DLG2: variants seen among roughly 807,000 people sequenced by gnomAD.
DLG2 encodes the protein disks large homolog 2.
DLG2 carries 45 observed loss-of-function variants against 132.5 expected under a neutral mutation model. The observed-to-expected ratio is 0.34, with a 90% CI of 0.27 to 0.44. The LOEUF (loss-of-function observed/expected upper bound fraction) is 0.44. Ranked by LOEUF, DLG2 falls within the 20% of genes least tolerant of loss-of-function variation. DLG2 has a pLI of 1.00. For missense variants in DLG2, 1,045 were observed against 1,196.9 expected (o/e 0.87, Z 1.87); for synonymous variants, 424 against 419.6 (o/e 1.01, Z -0.13).
At position 84,636,251 on chromosome 11, in the gene DLG2, C is replaced by G. The variant is rs562398447; in HGVS notation, c.358-101520G>C. 8.5e-5 allele frequency among the ~76,000 whole-genome samples: 13 copies of G among 152,292 alleles called. 1 individual carries two copies. In the South Asian group the frequency reaches 2.7e-3, roughly 32 times the overall value. ...TATATCTTCTGAGCCTTCAGAGATT[C>G]ATTTGGCCGAGAAATAGCCACAGTC... On this transcript the variant is annotated intron_variant, in intron 6 of 27. Coordinates refer to ENST00000376104, the MANE Select transcript of DLG2 (RefSeq NM_001142699.3).
At chr11:84,535,629 G>A (rs941757849) in intron 6 of DLG2, among the ~76,000 whole-genome samples, 12 of 152,002 alleles carry the variant, frequency 7.9e-5, no homozygotes, top group Non-Finnish European at 8.8e-5. Flanking sequence ...TCCATTTTTG[G>A]CCTCAGCCTG....
At chr11:84,221,432 C>G (rs1029966424) in intron 8 of DLG2, among the ~76,000 whole-genome samples, 1 of 151,922 alleles carries the variant, frequency 6.6e-6, no homozygotes, top group African/African-American at 2.4e-5. Context: ...CCACTGCACT[C>G]CAGTCTGGGC....
At chr11:85,026,332 A>C (rs924224428) in intron 6 of DLG2, among the ~76,000 whole-genome samples, 1 of 152,148 alleles carries the variant, frequency 6.6e-6, no homozygotes, top group African/African-American at 2.4e-5. Flanking sequence ...GTAGTAACGG[A>C]ATTGCAAATC....
chr11:84,698,547 T>C (rs1160228421), intron 6 of DLG2, among the ~76,000 whole-genome samples: 6 of 151,610 alleles, frequency 4.0e-5, no homozygotes, highest in Admixed American at 4.0e-4. Flanking sequence ...ATACAATTCA[T>C]AAAATCTAAT....
At chr11:84,765,204 T>A (rs757192744) in intron 6 of DLG2, among the ~76,000 whole-genome samples, 12 of 152,078 alleles carry the variant, frequency 7.9e-5, no homozygotes, top group Non-Finnish European at 1.6e-4. Context: ...GAACAGACTG[T>A]ACTTTCTACT....
intron 18 of DLG2, among the ~76,000 whole-genome samples, chr11:83,756,901 T>C (rs2093671493): frequency 6.6e-6 from 1 of 152,210 alleles, no homozygotes. Flanking sequence ...TTATTGAGCA[T>C]ATACTATGTG....
intron 21 of DLG2, among the ~76,000 whole-genome samples, chr11:83,501,730 C>T (rs1470190742): frequency 6.6e-6 from 1 of 152,152 alleles, no homozygotes; most frequent in Non-Finnish European, 1.5e-5. Flanking sequence ...AATCCAGAGA[C>T]TGACATAACA....
chr11:84,868,735 G>C (rs968364780), intron 6 of DLG2, among the ~76,000 whole-genome samples: 1 of 152,158 alleles, frequency 6.6e-6, no homozygotes, highest in Non-Finnish European at 1.5e-5. Flanking sequence ...GAGATCTGTA[G>C]CTCAGCGACG....
intron 6 of DLG2, among the ~76,000 whole-genome samples, chr11:84,705,076 G>T (rs1445246119): frequency 6.6e-6 from 1 of 151,596 alleles, no homozygotes; most frequent in Non-Finnish European, 1.5e-5. Flanking sequence ...ACAGTCTTTA[G>T]CAGTTCTGCC....
At chr11:85,360,945 T>C (rs72951924) in intron 3 of DLG2, among the ~76,000 whole-genome samples, 1,691 of 152,288 alleles carry the variant, frequency 0.011, 17 homozygotes, top group Non-Finnish European at 0.019. Context: ...CAAAAATACC[T>C]TACATGTATA....
chr11:84,303,143 G>C (rs1045275561), intron 7 of DLG2, among the ~76,000 whole-genome samples: 27 of 151,970 alleles, frequency 1.8e-4, no homozygotes, highest in African/African-American at 4.3e-4. Flanking sequence ...AAAACTTGAA[G>C]TTGGAAACAT....
chr11:85,071,900 G>T (rs2065913679), intron 6 of DLG2, among the ~76,000 whole-genome samples: 1 of 151,742 alleles, frequency 6.6e-6, no homozygotes, highest in Non-Finnish European at 1.5e-5. Flanking sequence ...CTAAAAAGAA[G>T]CAAAAATCAT....
At chr11:85,116,668 C>T (rs1012117688) in intron 5 of DLG2, among the ~76,000 whole-genome samples, 3 of 151,764 alleles carry the variant, frequency 2.0e-5, no homozygotes, top group Admixed American at 6.6e-5. Context: ...ATGTAAAATA[C>T]ATTATAGGTG....
intron 18 of DLG2, among the ~76,000 whole-genome samples, chr11:83,645,535 A>T (rs1379053510): frequency 6.6e-6 from 1 of 152,148 alleles, no homozygotes; most frequent in African/African-American, 2.4e-5. Flanking sequence ...TAAAAAATAG[A>T]CTTTTATGCA....
At chr11:85,498,181 A>T (rs1273003305) in intron 3 of DLG2, among the ~76,000 whole-genome samples, 1 of 152,166 alleles carries the variant, frequency 6.6e-6, no homozygotes, top group East Asian at 1.9e-4. Flanking sequence ...TATTCAGGAG[A>T]CTCATCTGAT....
intron 12 of DLG2, 44 bp downstream of exon 12, chr11:83,980,462 G>C: frequency 6.3e-7 from 1 of 1,580,420 alleles, no homozygotes; most frequent in Non-Finnish European, 8.6e-7. Context: ...TGGAAAACAA[G>C]AGCTTTATAA....
intron 4 of DLG2, among the ~76,000 whole-genome samples, chr11:85,188,967 G>A (rs1426599889): frequency 6.6e-6 from 1 of 152,032 alleles, no homozygotes; most frequent in African/African-American, 2.4e-5. Context: ...GATAAAAACT[G>A]CTAATCTATA....
At chr11:84,240,425 C>T (rs898970513) in intron 8 of DLG2, among the ~76,000 whole-genome samples, 2 of 152,202 alleles carry the variant, frequency 1.3e-5, no homozygotes, top group African/African-American at 4.8e-5. Flanking sequence ...TTTTTATTGT[C>T]TCTCCTTACA....
At chr11:85,168,982 AC>A (rs2152489530) in intron 4 of DLG2, among the ~76,000 whole-genome samples, 1 of 152,266 alleles carries the variant, frequency 6.6e-6, no homozygotes, top group South Asian at 2.1e-4. Context: ...TCCCCTCAGT[AC>A]CCATGTGGAG....
Sources: gnomAD v4.1 joint callset for allele counts (sites outside exome capture counted in the v4.1 genomes callset) on GRCh38, gnomAD v4.1.1 for gene constraint, MANE v1.5 for transcripts, NCBI Gene and HGNC (gene_info 2026-07-23, HGNC 2026-07-21) for gene names.